The following PTGS1 variants were observed in gnomAD, a reference collection of about 807,000 sequenced individuals.
PTGS1 encodes the protein prostaglandin-endoperoxide synthase 1, also known as prostaglandin G/H synthase 1.
A neutral mutation model predicts 63.0 loss-of-function variants in PTGS1; 40 were observed. That is an observed-to-expected ratio of 0.63 (90% confidence interval 0.49 to 0.83). PTGS1 has a LOEUF of 0.83. Among genes scored for constraint, PTGS1 ranks in the 40% least tolerant of loss-of-function variants. The pLI, the probability that PTGS1 is intolerant of heterozygous loss-of-function variation, is 0.00. For missense variants in PTGS1, 709 were observed against 786.5 expected, an observed-to-expected ratio of 0.90 and a Z score of 1.18; for synonymous variants, 298 against 301.9, an observed-to-expected ratio of 0.99 and a Z score of 0.13.
At position 122,395,573 on chromosome 9, in the gene PTGS1, C is replaced by G. The variant is rs202173511; in HGVS notation, c.*3029C>G. On this transcript the variant is annotated 3_prime_UTR_variant, in exon 11 of 11. Transcript: ENST00000362012. ...CTGCAGTTTCCTGGAAAAGAAGAAA[C>G]TTTGCCTCAAGACTATAGCCATCGA... The G allele has an allele frequency of 2.6e-5, 4 of 152,154 alleles. No individual in the cohort carries two copies. Among genetic ancestry groups the G allele is most frequent in the African/African-American group, 9.7e-5 (4 of 41,436 alleles). 9.4% of individuals were successfully genotyped at this position (152,154 alleles called of 1,614,324 possible).
chr9:122,378,507 C>G lies in PTGS1; in HGVS notation c.286C>G (p.Arg96Gly). ...CACCCACTTCCTGCTCACTCACGGG[C>G]GCTGGTTCTGGGAGTTTGTCAATGC... ...SFTHFLLTHGRWFWEFVNATF... is the reference protein window; with the variant it reads ...SFTHFLLTHGGWFWEFVNATF... Residue 96 changes from arginine (R) to glycine (G), a missense_variant, in exon 4 of 11, where the codon CGC becomes GGC. By Grantham distance (125) the Arg-to-Gly change is moderately radical (BLOSUM62 -2). Coordinates refer to ENST00000362012, the MANE Select transcript of PTGS1 (RefSeq NM_000962.4). The G allele has an allele frequency of 1.2e-6, 2 of 1,614,226 alleles. No individual in the cohort carries two copies. The highest frequency in any genetic ancestry group is 1.7e-6 in the Non-Finnish European group (2 of 1,180,044).
intron 10 of PTGS1, among the ~76,000 whole-genome samples, chr9:122,390,941 C>G (rs1378400704): frequency 6.6e-6 from 1 of 151,884 alleles, no homozygotes; most frequent in African/African-American, 2.4e-5. Flanking sequence ...CAGCAGGTAT[C>G]TAGGGAAACA....
At position 122,390,207 on chromosome 9, in the gene PTGS1, G is replaced by A. The variant is rs751514710; in HGVS notation, c.1306G>A (p.Gly436Ser). ...SRQIAGRIGG[G>S]RNMDHHILHV... ...GCTTCTCTCTCGGCAGATCGGTGGGGGCAGGAACATGGACCACCACATCCT... is the reference window on the plus strand; with the variant it reads ...GCTTCTCTCTCGGCAGATCGGTGGGAGCAGGAACATGGACCACCACATCCT... The change falls in exon 10 of 11, where the codon GGC (glycine) becomes AGC (serine). Residue 436 changes from glycine to serine, a missense_variant. Gly to Ser is a moderately conservative substitution (Grantham distance 56). Coordinates refer to ENST00000362012, the MANE Select transcript of PTGS1 (RefSeq NM_000962.4). 39 of 1,613,770 alleles carry A rather than the reference G, an allele frequency of 2.4e-5. No homozygotes were observed. Among genetic ancestry groups the A allele is most frequent in the Non-Finnish European group, 3.1e-5 (36 of 1,179,910 alleles).
At chr9:122,391,398 C>CAT (rs1250175386) in intron 10 of PTGS1, among the ~76,000 whole-genome samples, 22 of 93,186 alleles carry the variant, frequency 2.4e-4, no homozygotes, top group East Asian at 1.4e-3. Context: ...TATATATATA[C>CAT]ATATATATAT....
At chr9:122,391,990 G>A (rs1408049698) in intron 10 of PTGS1, among the ~76,000 whole-genome samples, 199 bp from the exon 11 acceptor site, 1 of 152,094 alleles carries the variant, frequency 6.6e-6, no homozygotes, top group Non-Finnish European at 1.5e-5. Flanking sequence ...CTGAGGAGGG[G>A]CAATTTGTGC....
intron 5 of PTGS1, among the ~76,000 whole-genome samples, chr9:122,380,766 T>C (rs1040079493): frequency 6.6e-6 from 1 of 152,232 alleles, no homozygotes; most frequent in Non-Finnish European, 1.5e-5. Context: ...TTCTCTGCCA[T>C]GCTTACATTA....
intron 9 of PTGS1, among the ~76,000 whole-genome samples, chr9:122,388,541 AGCT>A (rs765056293): frequency 8.5e-5 from 13 of 152,236 alleles, no homozygotes; most frequent in Non-Finnish European, 1.3e-4. Flanking sequence ...TAGCTTGAAT[AGCT>A]GCCCAAGGTC....
chr9:122,373,857 T>C (rs1588116893), intron 2 of PTGS1, among the ~76,000 whole-genome samples: 1 of 113,260 alleles, frequency 8.8e-6, no homozygotes, highest in Admixed American at 7.8e-5. Flanking sequence ...GTTCCCCACC[T>C]TTTTTTTTTT....
intron 9 of PTGS1, among the ~76,000 whole-genome samples, chr9:122,387,212 TC>T (rs897304924): frequency 6.6e-6 from 1 of 151,818 alleles, no homozygotes; most frequent in African/African-American, 2.4e-5. Flanking sequence ...GATAGAGATT[TC>T]CCAGGGTAAG....
At chr9:122,379,752 G>A (rs375943865) in intron 5 of PTGS1, among the ~76,000 whole-genome samples, 77 of 152,230 alleles carry the variant, frequency 5.1e-4, no homozygotes, top group African/African-American at 1.5e-3. Context: ...TCCAAATTAC[G>A]GTTGACAGAT....
rs1283681848 is a variant in PTGS1 at position 122,371,036 on chromosome 9, G to A, written c.-49G>A. 5.8e-6 allele frequency: 9 copies of A among 1,564,310 alleles called. No homozygotes were observed. Among genetic ancestry groups the A allele is most frequent in the African/African-American group, 4.0e-5 (3 of 74,314 alleles). On this transcript the variant is annotated 5_prime_UTR_variant, in exon 1 of 11. Transcript: ENST00000362012. ...TGGAGCTCCGGGCAGTGTGCGAGGC[G>A]CACGCACAGGAGCCTGCACTCTGCG... is the stretch of plus-strand genomic sequence containing the variant.
In PTGS1 at chr9:122,395,407, A is replaced by G. The variant is rs1467220052; in HGVS notation, c.*2863A>G. 6 of 152,194 alleles carry G rather than the reference A, an allele frequency of 3.9e-5. No individual in the cohort carries two copies. Among genetic ancestry groups the G allele is most frequent in the African/African-American group, 1.4e-4 (6 of 41,442 alleles). 9.4% of individuals were successfully genotyped at this position (152,194 alleles called of 1,614,324 possible). On this transcript the variant is annotated 3_prime_UTR_variant, in exon 11 of 11. Coordinates refer to ENST00000362012, the MANE Select transcript of PTGS1 (RefSeq NM_000962.4). Reference sequence around the variant, plus strand: ...GGCTATAGCACACAGTTATTTAATCAAACAGTAATCTAGGTGTGGCTGTGA... The same window carrying G: ...GGCTATAGCACACAGTTATTTAATCGAACAGTAATCTAGGTGTGGCTGTGA...
intron 2 of PTGS1, chr9:122,371,507 T>C: frequency 7.6e-7 from 1 of 1,315,308 alleles, no homozygotes; most frequent in Non-Finnish European, 1.0e-6. Context: ...TGGGATCTGG[T>C]GCCAACTTGG....
intron 2 of PTGS1, chr9:122,371,845 TGATTCCCCAA>T: frequency 6.6e-7 from 1 of 1,510,490 alleles, no homozygotes; most frequent in Non-Finnish European, 8.9e-7. Flanking sequence ...GTAGGTGCCA[TGATTCCCCAA>T]GCTCACAAAA....
chr9:122,385,121 C>A (rs1014880176), intron 8 of PTGS1, among the ~76,000 whole-genome samples: 5 of 152,072 alleles, frequency 3.3e-5, no homozygotes, highest in African/African-American at 1.2e-4. Flanking sequence ...CCATGCCTGG[C>A]TAATTTTTGT....
chr9:122,374,356 C>T (rs746599492), intron 2 of PTGS1, among the ~76,000 whole-genome samples: 4 of 152,034 alleles, frequency 2.6e-5, no homozygotes, highest in Non-Finnish European at 4.4e-5. Context: ...TCCTTTAGCC[C>T]GCCTGCTAAA....
chr9:122,371,324 C>T (rs371301489), intron 2 of PTGS1, 52 bp downstream of exon 2: 4 of 1,598,106 alleles, frequency 2.5e-6, no homozygotes. Flanking sequence ...CGCCCCTGGC[C>T]TGGTTTCAAC....
chr9:122,391,203 C>A (rs532985024), intron 10 of PTGS1, among the ~76,000 whole-genome samples: 1 of 148,130 alleles, frequency 6.8e-6, no homozygotes, highest in Non-Finnish European at 1.5e-5. Flanking sequence ...CAAGAATCTG[C>A]GTATTCATAT....
Position 122,393,519 on chromosome 9 carries a change from T to C in PTGS1, c.*975T>C, listed in dbSNP as rs201336407. ...CCCTTTTCAGGAAGCTCTCTTAAAA[T>C]ACCCATTGCCCCAGACCTGGAAGAT... On this transcript the variant is annotated 3_prime_UTR_variant, in exon 11 of 11. Coordinates refer to ENST00000362012, the MANE Select transcript of PTGS1 (RefSeq NM_000962.4). 6.6e-6 allele frequency: 1 copy of C among 152,236 alleles called. No individual in the cohort carries two copies. The highest frequency in any genetic ancestry group is 1.5e-5 in the Non-Finnish European group (1 of 68,092). 9.4% of individuals were successfully genotyped at this position (152,236 alleles called of 1,614,324 possible). A position where few individuals can be genotyped will look rare whatever the true frequency, so the allele number is the denominator to read the frequency against.
Sources: gnomAD v4.1 joint callset for allele counts (sites outside exome capture counted in the v4.1 genomes callset) on GRCh38, gnomAD v4.1.1 for gene constraint, MANE v1.5 for transcripts, NCBI Gene and HGNC (gene_info 2026-07-23, HGNC 2026-07-21) for gene names.